The following KCTD6 variants were observed in gnomAD, a reference collection of about 807,000 sequenced individuals.
The protein encoded by KCTD6 is BTB/POZ domain-containing protein KCTD6.
In KCTD6, 6 loss-of-function variants were observed where a neutral mutation model predicts 18.7. The ratio of observed to expected loss-of-function variants is 0.32; its 90% CI spans 0.18 to 0.63. The LOEUF (loss-of-function observed/expected upper bound fraction) is 0.63. KCTD6 is among the 30% of genes least tolerant of loss of function. The probability of loss-of-function intolerance (pLI) is 0.79; values close to 1 mark genes in which losing one functional copy is unlikely to be tolerated. For missense variants in KCTD6, 165 were observed against 300.2 expected, an observed-to-expected ratio of 0.55 and a Z score of 3.33; for synonymous variants, 86 against 108.5, an observed-to-expected ratio of 0.79 and a Z score of 1.29.
intron 2 of KCTD6, among the ~76,000 whole-genome samples, chr3:58,499,314 G>C (rs1188942526): frequency 6.6e-6 from 1 of 152,126 alleles, no homozygotes; most frequent in African/African-American, 2.4e-5. Context: ...ATTTTTTCAA[G>C]TGTGTTGCTC....
Position 58,497,368 on chromosome 3 carries a change from C to T in KCTD6, c.-43-1345C>T, listed in dbSNP as rs2063179328. 6.6e-6 allele frequency among the ~76,000 whole-genome samples: 1 copy of T among 152,210 alleles called. No individual in the cohort carries two copies. The highest frequency in any genetic ancestry group is 2.1e-4 in the South Asian group (1 of 4,834). On this transcript the variant is annotated intron_variant, in intron 1 of 2. Coordinates refer to ENST00000404589, the MANE Select transcript of KCTD6 (RefSeq NM_001128214.2). This position sits in a 1 kb window ranked among gnomAD's most constrained non-coding sequence, Gnocchi z 4.2. Reference sequence around the variant, plus strand: ...TGTTCTGGGAATTCTGTGCCAGATTCCTCTAAAAGTGGGAAAAGTGAATCT... The same window carrying T: ...TGTTCTGGGAATTCTGTGCCAGATTTCTCTAAAAGTGGGAAAAGTGAATCT...
chr3:58,495,146 A>T (rs895234867), intron 1 of KCTD6, among the ~76,000 whole-genome samples: 46 of 152,360 alleles, frequency 3.0e-4, no homozygotes, highest in Admixed American at 2.9e-3. Context: ...TATTGTTACC[A>T]TTCCTGGTAG....
chr3:58,498,870 TAAGAA>T lies in KCTD6; in HGVS notation c.27+96_27+100del. The stretch of plus-strand genomic sequence containing the variant: ...CTTATGTATTTTTAGGTATATCTTA[TAAGAA>T]AAGAAAATTGTGAATTTGTGTAACC... On this transcript the variant is annotated intron_variant, in intron 2 of 2. Transcript: ENST00000404589. The surrounding 1 kb of genome is among the most constrained non-coding windows in gnomAD (Gnocchi z 4.6). 6 of 1,107,376 alleles carry T rather than the reference TAAGAA, an allele frequency of 5.4e-6. No homozygotes were observed. Among genetic ancestry groups the T allele is most frequent in the African/African-American group, 1.6e-5 (1 of 62,844 alleles). 68.6% of individuals were successfully genotyped at this position (1,107,376 alleles called of 1,614,324 possible).
chr3:58,499,705 A>G (rs753489476), intron 2 of KCTD6, among the ~76,000 whole-genome samples: 1 of 151,802 alleles, frequency 6.6e-6, no homozygotes, highest in Non-Finnish European at 1.5e-5. Context: ...TGTGTGGCTA[A>G]TATTTTGTAT....
In KCTD6 at chr3:58,492,717, T is replaced by G. The variant is rs933762840; in HGVS notation, c.-44+548T>G. Among the ~76,000 whole-genome samples, 2 of 152,062 alleles carry G rather than the reference T, an allele frequency of 1.3e-5. No individual in the cohort carries two copies. The highest frequency in any genetic ancestry group is 1.3e-4 in the Admixed American group (2 of 15,274). On this transcript the variant is annotated intron_variant, in intron 1 of 2. Transcript: ENST00000404589. This position sits in a 1 kb window ranked among gnomAD's most constrained non-coding sequence, Gnocchi z 6.1. ...TGAGTTCTTTATGCCTAGATTTGTG[T>G]GTGTGTGGTGGCGTTTTTAATGCTT...
chr3:58,493,003 A>G lies in KCTD6; in HGVS notation c.-44+834A>G, dbSNP rs933752229. 1.3e-5 allele frequency among the ~76,000 whole-genome samples: 2 copies of G among 152,156 alleles called. No homozygotes were observed. The highest frequency in any genetic ancestry group is 2.4e-5 in the African/African-American group (1 of 41,450). ...CTGGGATGACCCGGCTCGGCTAAGAATATTTGGGGTAGCCTAAGTATCTCT... is the reference window on the plus strand; with the variant it reads ...CTGGGATGACCCGGCTCGGCTAAGAGTATTTGGGGTAGCCTAAGTATCTCT... On this transcript the variant is annotated intron_variant, in intron 1 of 2. Transcript: ENST00000404589. The surrounding 1 kb of genome is among the most constrained non-coding windows in gnomAD (Gnocchi z 4.5).
intron 2 of KCTD6, among the ~76,000 whole-genome samples, chr3:58,499,727 A>G (rs927426626): frequency 2.0e-5 from 3 of 151,580 alleles, no homozygotes; most frequent in South Asian, 4.2e-4. Context: ...TTTTGTAGAG[A>G]TGGAGTTTTG....
intron 1 of KCTD6, chr3:58,494,015 C>G (rs1560203306): frequency 6.6e-6 from 1 of 152,122 alleles, no homozygotes; most frequent in Non-Finnish European, 1.5e-5. Context: ...GGTGTAATTA[C>G]CCCGTTTTGG....
rs1334644683 is a variant in KCTD6, at chr3:58,492,786, C to A, written c.-44+617C>A. ...TGGCCATGGTAATGGGGAGCCCTGG[C>A]AGCACCTGCTGGGCTGACAGTGGTG... is the stretch of plus-strand genomic sequence containing the variant. On this transcript the variant is annotated intron_variant, in intron 1 of 2. Transcript: ENST00000404589. This position sits in a 1 kb window ranked among gnomAD's most constrained non-coding sequence, Gnocchi z 6.1. Among the ~76,000 whole-genome samples, 1 of 152,084 alleles carries A rather than the reference C, an allele frequency of 6.6e-6. No homozygotes were observed. The highest frequency in any genetic ancestry group is 2.4e-5 in the African/African-American group (1 of 41,398).
Position 58,501,524 on chromosome 3 carries a change from T to A in KCTD6, c.606T>A (p.Gly202=). 6.7e-7 allele frequency: 1 copy of A among 1,495,176 alleles called. No homozygotes were observed. The highest frequency in any genetic ancestry group is 8.9e-7 in the Non-Finnish European group (1 of 1,124,936). 92.6% of individuals were successfully genotyped at this position (1,495,176 alleles called of 1,614,324 possible). A position where few individuals can be genotyped will look rare whatever the true frequency, so the allele number is the denominator to read the frequency against. Residue 202 remains glycine, a synonymous_variant, in exon 3 of 3, where the codon GGT becomes GGA. Transcript: ENST00000404589. The surrounding 1 kb of genome is among the most constrained non-coding windows in gnomAD (Gnocchi z 9.7). ...VHLMEYITKQ[G]FTIRNTRVHH... ...TGATGGAATACATTACAAAACAAGG[T>A]TTCACGATCCGCAACACCCGGGTGC...
rs962922846 is a variant in KCTD6 at position 58,493,253 on chromosome 3, A to G, written c.-44+1084A>G. Among the ~76,000 whole-genome samples the G allele has an allele frequency of 2.0e-5, 3 of 152,230 alleles. No homozygotes were observed. The highest frequency in any genetic ancestry group is 1.9e-4 in the East Asian group (1 of 5,192). ...TCTCTTTGGCCGAAACCATCAGTCC[A>G]TACTGATACTTGATTTTGTGCTATG... On this transcript the variant is annotated intron_variant, in intron 1 of 2. Coordinates refer to ENST00000404589, the MANE Select transcript of KCTD6 (RefSeq NM_001128214.2). The surrounding 1 kb of genome is among the most constrained non-coding windows in gnomAD (Gnocchi z 4.5).
At chr3:58,500,839 T>G in intron 2 of KCTD6, 107 bp from the exon 3 acceptor site, 1 of 704,220 alleles carries the variant, frequency 1.4e-6, no homozygotes, top group East Asian at 2.6e-5. Flanking sequence ...AAATACATTA[T>G]AGCCTGAAAG....
chr3:58,499,148 T>G (rs1236621534), intron 2 of KCTD6, among the ~76,000 whole-genome samples: 1 of 152,134 alleles, frequency 6.6e-6, no homozygotes, highest in East Asian at 1.9e-4. Context: ...TTTTGTATTT[T>G]TAGTAGACAC....
intron 1 of KCTD6, chr3:58,494,450 A>G (rs573707645): frequency 2.0e-4 from 30 of 152,354 alleles, no homozygotes; most frequent in African/African-American, 7.2e-4. Context: ...TTTTCTGACT[A>G]CCAGACACGA....
At chr3:58,494,513 CAGT>C (rs1235199275) in intron 1 of KCTD6, 1 of 152,120 alleles carries the variant, frequency 6.6e-6, no homozygotes, top group Non-Finnish European at 1.5e-5. Flanking sequence ...TCTGGGAAGT[CAGT>C]AGTTGGAGTT....
intron 2 of KCTD6, 54 bp from the exon 3 acceptor site, chr3:58,500,892 C>A: frequency 8.6e-7 from 1 of 1,157,128 alleles, no homozygotes; most frequent in South Asian, 1.5e-5. Flanking sequence ...CTTAATTTGT[C>A]AAAGTTAGTA....
At position 58,493,752 on chromosome 3, in the gene KCTD6, A is replaced by G. The variant is rs1259681942; in HGVS notation, c.-44+1583A>G. ...TCATGTTAACCTAGAAATTTTGTTT[A>G]TGCTGCTGCCACTAATGTTTTCACA... On this transcript the variant is annotated intron_variant, in intron 1 of 2. Coordinates refer to ENST00000404589, the MANE Select transcript of KCTD6 (RefSeq NM_001128214.2). The surrounding 1 kb of genome is among the most constrained non-coding windows in gnomAD (Gnocchi z 4.5). Among the ~76,000 whole-genome samples, 2 of 152,192 alleles carry G rather than the reference A, an allele frequency of 1.3e-5. No homozygotes were observed. The highest frequency in any genetic ancestry group is 2.9e-5 in the Non-Finnish European group (2 of 68,012).
intron 2 of KCTD6, among the ~76,000 whole-genome samples, chr3:58,499,250 A>G (rs188088956): frequency 3.9e-4 from 59 of 152,334 alleles, no homozygotes; most frequent in Non-Finnish European, 6.0e-4. Flanking sequence ...ATCAAACTCA[A>G]AATGGATTTT....
At chr3:58,494,832 T>G (rs959446993) in intron 1 of KCTD6, among the ~76,000 whole-genome samples, 1 of 152,252 alleles carries the variant, frequency 6.6e-6, no homozygotes, top group Admixed American at 6.5e-5. Flanking sequence ...CTTCAGTATG[T>G]GTTTTCTTAA....
Sources: allele counts gnomAD v4.1 joint callset (sites outside exome capture counted in the v4.1 genomes callset), GRCh38; gene constraint gnomAD v4.1.1; non-coding constraint Gnocchi (gnomAD v3.1); transcripts MANE v1.5; gene names NCBI Gene and HGNC (gene_info 2026-07-23, HGNC 2026-07-21).